CA10: variants seen among roughly 807,000 people sequenced by gnomAD.
CA10 encodes carbonic anhydrase 10 (inactive), also known as carbonic anhydrase-related protein 10.
A neutral mutation model predicts 44.2 loss-of-function variants in CA10; 14 were observed. That is an observed-to-expected ratio of 0.32 (90% CI 0.21 to 0.50). CA10 has a LOEUF of 0.50. Ranked by LOEUF, CA10 falls within the 20% of genes least tolerant of loss-of-function variation. The pLI, the probability that CA10 is intolerant of heterozygous loss-of-function variation, is 0.99. For synonymous variants in CA10, 159 were observed against 141.6 expected (o/e 1.12, Z -0.87); for missense variants, 350 against 409.7 (o/e 0.85, Z 1.26).
chr17:51,728,501 C>G (rs1916603792), intron 4 of CA10, among the ~76,000 whole-genome samples: 1 of 152,192 alleles, frequency 6.6e-6, no homozygotes, highest in Admixed American at 6.5e-5. Context: ...GATCTTCACA[C>G]TTTTGACGGG....
chr17:51,701,399 A>G (rs1320960388), intron 4 of CA10, among the ~76,000 whole-genome samples: 1 of 152,206 alleles, frequency 6.6e-6, no homozygotes, highest in African/African-American at 2.4e-5. Context: ...GCTCCAAATA[A>G]GGTCACGTTC....
At chr17:51,930,384 G>A (rs1405260592) in intron 3 of CA10, among the ~76,000 whole-genome samples, 1 of 152,102 alleles carries the variant, frequency 6.6e-6, no homozygotes, top group Admixed American at 6.6e-5. Flanking sequence ...ATGGGCACTT[G>A]TGCCCTTCCA....
intron 2 of CA10, among the ~76,000 whole-genome samples, chr17:51,932,864 C>T (rs1043658040): frequency 6.6e-6 from 1 of 151,460 alleles, no homozygotes; most frequent in Admixed American, 6.6e-5. Flanking sequence ...ATTATGAATG[C>T]ACTTATATTA....
intron 3 of CA10, among the ~76,000 whole-genome samples, chr17:51,878,143 C>CAAAAAAAAAAAAAAA (rs558014863): frequency 1.6e-5 from 1 of 63,684 alleles, no homozygotes; most frequent in Non-Finnish European, 2.7e-5. Flanking sequence ...GACTCCGTCT[C>CAAAAAAAAAAAAAAA]AAAAAAAAAA....
Position 51,631,307 on chromosome 17 carries a change from C to T in CA10, c.*277G>A. 5.1e-6 allele frequency: 2 copies of T among 392,296 alleles called. No individual in the cohort carries two copies. The highest frequency in any genetic ancestry group is 9.2e-6 in the Non-Finnish European group (2 of 217,658). 24.3% of individuals were successfully genotyped at this position (392,296 alleles called of 1,614,324 possible). A position where few individuals can be genotyped will look rare whatever the true frequency, so the allele number is the denominator to read the frequency against. The stretch of plus-strand genomic sequence containing the variant: ...CTTTTGTTTCTGAAACTTGACTTCC[C>T]ATGATGGAGGTTGTAAGAGTGTGTG... On this transcript the variant is annotated 3_prime_UTR_variant, in exon 9 of 9. Coordinates refer to ENST00000451037, the MANE Select transcript of CA10 (RefSeq NM_020178.5).
chr17:51,802,363 G>A (rs1001330125), intron 3 of CA10, among the ~76,000 whole-genome samples: 1 of 152,094 alleles, frequency 6.6e-6, no homozygotes, highest in Non-Finnish European at 1.5e-5. Context: ...AAGTGGGAAA[G>A]AGCTCACTCT....
intron 2 of CA10, among the ~76,000 whole-genome samples, chr17:51,988,611 AT>A (rs547365614): frequency 3.9e-4 from 60 of 152,090 alleles, no homozygotes; most frequent in African/African-American, 1.4e-3. Flanking sequence ...AATAAAAATC[AT>A]TTTTAAAGTA....
At chr17:52,017,165 C>A (rs188552231) in intron 2 of CA10, among the ~76,000 whole-genome samples, 5 of 152,178 alleles carry the variant, frequency 3.3e-5, no homozygotes, top group South Asian at 2.1e-4. Flanking sequence ...AGCAGACTAC[C>A]ACAGAAAATT....
intron 3 of CA10, among the ~76,000 whole-genome samples, chr17:51,806,748 TC>T (rs1438749483): frequency 1.3e-5 from 2 of 152,248 alleles, no homozygotes; most frequent in African/African-American, 4.8e-5. Flanking sequence ...CATACATGAA[TC>T]TACCTTGAGA....
At chr17:52,124,802 G>C (rs1989085117) in intron 1 of CA10, among the ~76,000 whole-genome samples, 1 of 152,116 alleles carries the variant, frequency 6.6e-6, no homozygotes, top group Admixed American at 6.5e-5. Flanking sequence ...GTATGACTTA[G>C]GAATCTTTCT....
chr17:51,920,631 T>G (rs191743694), intron 3 of CA10, among the ~76,000 whole-genome samples: 27 of 152,218 alleles, frequency 1.8e-4, no homozygotes, highest in African/African-American at 5.5e-4. Flanking sequence ...TTCTGGATGA[T>G]GTCAAGAGGT....
At chr17:51,950,342 C>T (rs1340866766) in intron 2 of CA10, among the ~76,000 whole-genome samples, 2 of 152,098 alleles carry the variant, frequency 1.3e-5, no homozygotes, top group African/African-American at 4.8e-5. Context: ...CTGTCCTTTT[C>T]TGTGCCCTGG....
intron 4 of CA10, among the ~76,000 whole-genome samples, chr17:51,743,937 C>T (rs929377081): frequency 6.6e-6 from 1 of 152,182 alleles, no homozygotes; most frequent in Non-Finnish European, 1.5e-5. Flanking sequence ...AGTTGAAATT[C>T]ATTTTTTAAA....
intron 4 of CA10, among the ~76,000 whole-genome samples, chr17:51,683,829 A>G (rs983632701): frequency 6.6e-6 from 1 of 152,168 alleles, no homozygotes. Context: ...ACATGGATAA[A>G]TGAATATTAA....
chr17:51,931,189 TA>T, intron 2 of CA10, 57 bp from the exon 3 acceptor site: 2 of 1,545,670 alleles, frequency 1.3e-6, no homozygotes, highest in Non-Finnish European at 1.8e-6. Context: ...GGAAACAACA[TA>T]AATAAACAGA....
At chr17:51,765,937 C>T (rs1038658893) in intron 3 of CA10, among the ~76,000 whole-genome samples, 14 of 152,062 alleles carry the variant, frequency 9.2e-5, no homozygotes, top group African/African-American at 3.1e-4. Flanking sequence ...ACGAGGTAAG[C>T]AGTGCCAAGT....
In CA10 at chr17:51,717,559, AT is replaced by A. The variant is rs1400379194; in HGVS notation, c.465+30073del. Among the ~76,000 whole-genome samples the A allele has an allele frequency of 3.0e-4, 33 of 111,536 alleles. 3 individuals are homozygous for A. The highest frequency in any genetic ancestry group is 9.8e-4 in the African/African-American group (32 of 32,770). The allele number at this position is 111,536 out of a possible 152,430, so 73.2% of individuals were successfully genotyped here. On this transcript the variant is annotated intron_variant, in intron 4 of 8. Transcript: ENST00000451037. ...TATATATATATATATATATATATAT[AT>A]AATATTACATAAATATATAAAAATA... is the stretch of plus-strand genomic sequence containing the variant.
At chr17:52,060,866 T>C (rs963178855) in intron 2 of CA10, among the ~76,000 whole-genome samples, 22 of 152,194 alleles carry the variant, frequency 1.4e-4, no homozygotes, top group African/African-American at 5.1e-4. Flanking sequence ...TTGACCTGCA[T>C]TGGAAATTTA....
intron 4 of CA10, among the ~76,000 whole-genome samples, chr17:51,671,042 T>C (rs1914400491): frequency 1.3e-5 from 2 of 152,182 alleles, no homozygotes; most frequent in Non-Finnish European, 2.9e-5. Context: ...TGCACTCCTA[T>C]AGTTAGTGTT....
Sources: gnomAD v4.1 joint callset for allele counts (sites outside exome capture counted in the v4.1 genomes callset) on GRCh38, gnomAD v4.1.1 for gene constraint, MANE v1.5 for transcripts, NCBI Gene and HGNC (gene_info 2026-07-23, HGNC 2026-07-21) for gene names.